CRYZL1: variants seen among roughly 807,000 people sequenced by gnomAD.
CRYZL1 encodes the protein ferry endosomal RAB5 effector complex subunit 4.
In CRYZL1, 34 loss-of-function variants were observed where a neutral mutation model predicts 50.6. The ratio of observed to expected loss-of-function variants is 0.67; its 90% CI spans 0.51 to 0.89. CRYZL1 has a LOEUF of 0.89. Among genes scored for constraint, CRYZL1 ranks in the 40% least tolerant of loss-of-function variants. The pLI, the probability that CRYZL1 is intolerant of heterozygous loss-of-function variation, is 0.00. For synonymous variants in CRYZL1, 125 were observed against 134.3 expected, an observed-to-expected ratio of 0.93 and a Z score of 0.48; for missense variants, 354 against 402.3, an observed-to-expected ratio of 0.88 and a Z score of 1.03.
rs558716597 is a variant in CRYZL1 at position 33,595,473 on chromosome 21, G to A, written c.904+258C>T. ...ACTGCCTGAGTGTGATTCTTGCTCC[G>A]CCACTTGCTGCGTCCTTGAGTCTGT... On this transcript the variant is annotated intron_variant, in intron 11 of 12. Transcript: ENST00000381554. The A allele has an allele frequency of 2.1e-5, 28 of 1,335,186 alleles. No individual in the cohort carries two copies. The East Asian group carries it at 4.2e-4, about 20-fold the overall frequency. 82.7% of individuals were successfully genotyped at this position (1,335,186 alleles called of 1,614,324 possible).
At chr21:33,626,711 A>AT (rs1428903156) in intron 2 of CRYZL1, among the ~76,000 whole-genome samples, 2 of 151,654 alleles carry the variant, frequency 1.3e-5, no homozygotes, top group African/African-American at 2.4e-5. Flanking sequence ...AAAAAAAAAA[A>AT]GAAAAAGAAA....
intron 3 of CRYZL1, among the ~76,000 whole-genome samples, chr21:33,623,862 T>C (rs1403619770): frequency 6.6e-6 from 1 of 152,172 alleles, no homozygotes; most frequent in African/African-American, 2.4e-5. Context: ...ATGTATTTCA[T>C]GGTCAATAAT....
chr21:33,608,270 C>T (rs752867243), intron 6 of CRYZL1, among the ~76,000 whole-genome samples: 1 of 152,152 alleles, frequency 6.6e-6, no homozygotes, highest in Admixed American at 6.6e-5. Context: ...GCCTGGCCAG[C>T]ATGGAGAAAC....
At chr21:33,613,484 T>C in intron 6 of CRYZL1, 54 bp downstream of exon 6, 5 of 1,140,888 alleles carry the variant, frequency 4.4e-6, no homozygotes, top group Non-Finnish European at 5.2e-6. Flanking sequence ...TATTAAACCA[T>C]ATGTCAGTGA....
intron 8 of CRYZL1, 118 bp from the exon 9 acceptor site, chr21:33,599,366 T>C (rs528448368): frequency 2.2e-6 from 3 of 1,338,920 alleles, no homozygotes; most frequent in East Asian, 2.5e-5. Flanking sequence ...AGTTAAGCAA[T>C]TCAAACAATT....
chr21:33,594,907 A>T (rs1214595090), intron 11 of CRYZL1: 1 of 155,858 alleles, frequency 6.4e-6, no homozygotes, highest in Non-Finnish European at 1.4e-5. Context: ...ACATTTAAGA[A>T]AAGTAACGTA....
At chr21:33,609,051 A>G (rs879296611) in intron 6 of CRYZL1, among the ~76,000 whole-genome samples, 5 of 152,314 alleles carry the variant, frequency 3.3e-5, no homozygotes, top group Admixed American at 2.0e-4. Flanking sequence ...TCTGACAGGT[A>G]TGAGATGGTA....
At chr21:33,610,933 G>T (rs1399024109) in intron 6 of CRYZL1, among the ~76,000 whole-genome samples, 2 of 151,456 alleles carry the variant, frequency 1.3e-5, no homozygotes, top group Non-Finnish European at 2.9e-5. Context: ...GTTTCACCAT[G>T]TTGGCCAGGC....
intron 6 of CRYZL1, among the ~76,000 whole-genome samples, chr21:33,607,251 C>T (rs2145930083): frequency 6.6e-6 from 1 of 152,254 alleles, no homozygotes; most frequent in South Asian, 2.1e-4. Flanking sequence ...AGGACTAACA[C>T]CACATTTTGG....
At chr21:33,591,101 G>A (rs1315442628) in intron 12 of CRYZL1, 61 bp downstream of exon 12, 1 of 1,258,886 alleles carries the variant, frequency 7.9e-7, no homozygotes, top group South Asian at 1.2e-5. Context: ...GGGACTGCCT[G>A]CCTTAGCTCC....
At chr21:33,625,607 C>T (rs1390672888) in intron 2 of CRYZL1, among the ~76,000 whole-genome samples, 1 of 152,070 alleles carries the variant, frequency 6.6e-6, no homozygotes, top group African/African-American at 2.4e-5. Flanking sequence ...CCTCAGCCTT[C>T]TGAGTAGCTG....
chr21:33,599,662 C>T (rs757797375), intron 8 of CRYZL1, among the ~76,000 whole-genome samples: 2 of 150,038 alleles, frequency 1.3e-5, no homozygotes, highest in Non-Finnish European at 3.0e-5. Flanking sequence ...GACAGGTTCT[C>T]ACTCCATTGC....
intron 2 of CRYZL1, among the ~76,000 whole-genome samples, chr21:33,627,906 G>A (rs977338291): frequency 6.6e-6 from 1 of 151,902 alleles, no homozygotes; most frequent in African/African-American, 2.4e-5. Flanking sequence ...CACCACGCCT[G>A]GCTAATTTTT....
In CRYZL1 at chr21:33,595,720, A is replaced by C. The variant is rs764832295; in HGVS notation, c.904+11T>G. 6.2e-7 allele frequency: 1 copy of C among 1,612,010 alleles called. No individual in the cohort carries two copies. On this transcript the variant is annotated intron_variant, in intron 11 of 12. Transcript: ENST00000381554. ...CAAGCCAGAAACTCAATCAGTCGAT[A>C]AAAAGGATATAAAGATATTTTCCCT...
Position 33,589,748 on chromosome 21 carries a change from A to C in CRYZL1, c.*74T>G. Reference sequence around the variant, plus strand: ...GTTTTATCTTCCTTGGTTTTTCTCAACAATTTCCAAAGAAAATTCTGGCTT... The same window carrying C: ...GTTTTATCTTCCTTGGTTTTTCTCACCAATTTCCAAAGAAAATTCTGGCTT... On this transcript the variant is annotated 3_prime_UTR_variant, in exon 13 of 13. Coordinates refer to ENST00000381554, the MANE Select transcript of CRYZL1 (RefSeq NM_145858.3). 1 of 1,004,312 alleles carries C rather than the reference A, an allele frequency of 1.0e-6. No individual in the cohort carries two copies. The highest frequency in any genetic ancestry group is 1.4e-5 in the South Asian group (1 of 70,928). The allele number at this position is 1,004,312 out of a possible 1,614,324, so 62.2% of individuals were successfully genotyped here. A position where few individuals can be genotyped will look rare whatever the true frequency, so the allele number is the denominator to read the frequency against.
chr21:33,634,882 T>C (rs1002127944), intron 1 of CRYZL1, among the ~76,000 whole-genome samples: 8 of 10,098 alleles, frequency 7.9e-4, no homozygotes, highest in African/African-American at 6.7e-3. Context: ...ACAACAACAA[T>C]ATATATATAT....
intron 3 of CRYZL1, among the ~76,000 whole-genome samples, chr21:33,623,568 C>G (rs1035525802): frequency 6.6e-6 from 1 of 152,152 alleles, no homozygotes; most frequent in East Asian, 1.9e-4. Flanking sequence ...GAAAAGACTT[C>G]AGGGGATCCC....
intron 1 of CRYZL1, among the ~76,000 whole-genome samples, chr21:33,639,406 G>A (rs1262041610): frequency 6.6e-6 from 1 of 152,100 alleles, no homozygotes; most frequent in Non-Finnish European, 1.5e-5. Context: ...TTCCTATATT[G>A]TACTACTGGG....
At chr21:33,605,234 G>T (rs2086797957) in intron 6 of CRYZL1, among the ~76,000 whole-genome samples, 1 of 151,816 alleles carries the variant, frequency 6.6e-6, no homozygotes, top group Admixed American at 6.6e-5. Flanking sequence ...TTGTTCATGT[G>T]CTGTAAATAT....
Sources: gnomAD v4.1 joint callset for allele counts (sites outside exome capture counted in the v4.1 genomes callset) on GRCh38, gnomAD v4.1.1 for gene constraint, MANE v1.5 for transcripts, NCBI Gene and HGNC (gene_info 2026-07-23, HGNC 2026-07-21) for gene names.